Variants in RORA observed in about 807,000 individuals in gnomAD.
RORA encodes the protein RAR related orphan receptor A.
Under a neutral mutation model 69.5 loss-of-function variants are expected in RORA, and 7 were observed. The ratio of observed to expected loss-of-function variants is 0.10; its 90% CI spans 0.06 to 0.19. The LOEUF is 0.19. RORA is among the 10% of genes least tolerant of loss of function. The pLI, the probability that RORA is intolerant of heterozygous loss-of-function variation, is 1.00. For synonymous variants in RORA, 261 were observed against 240.8 expected, an observed-to-expected ratio of 1.08 and a Z score of -0.78; for missense variants, 457 against 663.0, an observed-to-expected ratio of 0.69 and a Z score of 3.41.
intron 2 of RORA, among the ~76,000 whole-genome samples, chr15:60,653,103 CA>C (rs2140701578): frequency 6.6e-6 from 1 of 152,292 alleles, no homozygotes; most frequent in Non-Finnish European, 1.5e-5. Context: ...TTCGTTTCTA[CA>C]GGTTATGAAC....
intron 1 of RORA, among the ~76,000 whole-genome samples, chr15:61,113,668 T>A (rs1482837507): frequency 6.6e-6 from 1 of 152,192 alleles, no homozygotes; most frequent in Non-Finnish European, 1.5e-5. Flanking sequence ...TTTTTAAAAT[T>A]CTACACACAC....
chr15:61,117,287 CA>C (rs922300388), intron 1 of RORA, among the ~76,000 whole-genome samples: 55 of 146,082 alleles, frequency 3.8e-4, no homozygotes, highest in African/African-American at 1.2e-3. Flanking sequence ...TAAGTAAATC[CA>C]AAAAAAAATC....
intron 1 of RORA, among the ~76,000 whole-genome samples, chr15:61,048,321 G>T (rs1897133713): frequency 6.6e-6 from 1 of 152,090 alleles, no homozygotes; most frequent in Non-Finnish European, 1.5e-5. Context: ...TTTATCCCAG[G>T]AAACGAGACC....
In RORA at chr15:61,061,119, C is replaced by A. The variant is rs932204210; in HGVS notation, c.166+167934G>T. ...CTGTAATCCCAGCACTTTGGGAGGC[C>A]GAGGCGGGCGGATCACAAGATCAGG... is the stretch of plus-strand genomic sequence containing the variant. On this transcript the variant is annotated intron_variant, in intron 1 of 10. Transcript: ENST00000335670. The surrounding 1 kb of genome is among the most constrained non-coding windows in gnomAD (Gnocchi z 4.4). 6.6e-6 allele frequency among the ~76,000 whole-genome samples: 1 copy of A among 151,976 alleles called. No individual in the cohort carries two copies. The highest frequency in any genetic ancestry group is 1.5e-5 in the Non-Finnish European group (1 of 68,002).
chr15:61,053,304 A>G (rs566914027), intron 1 of RORA, among the ~76,000 whole-genome samples: 2 of 151,656 alleles, frequency 1.3e-5, no homozygotes, highest in African/African-American at 2.4e-5. Flanking sequence ...TTGCCCCCCA[A>G]CACCCACCCC....
intron 2 of RORA, among the ~76,000 whole-genome samples, chr15:60,656,004 G>A (rs1211877180): frequency 6.6e-6 from 1 of 152,140 alleles, no homozygotes; most frequent in Non-Finnish European, 1.5e-5. Context: ...GATGTATTAT[G>A]GAGGTAAAAA....
At chr15:60,873,002 CT>C (rs1457813014) in intron 1 of RORA, among the ~76,000 whole-genome samples, 1 of 152,120 alleles carries the variant, frequency 6.6e-6, no homozygotes, top group Non-Finnish European at 1.5e-5. Flanking sequence ...TATGGGCTCC[CT>C]CTTTCCTCTT....
chr15:61,044,725 G>A (rs1222462451), intron 1 of RORA, among the ~76,000 whole-genome samples: 1 of 152,086 alleles, frequency 6.6e-6, no homozygotes, highest in Non-Finnish European at 1.5e-5. Context: ...CACTCATCAG[G>A]TATGATTGCT....
intron 1 of RORA, among the ~76,000 whole-genome samples, chr15:60,804,716 T>C (rs2072636404): frequency 6.6e-6 from 1 of 152,176 alleles, no homozygotes; most frequent in Admixed American, 6.5e-5. Context: ...ATGTATGAGA[T>C]TAAACAACCG....
intron 2 of RORA, chr15:60,627,178 G>T: frequency 1.4e-6 from 2 of 1,461,804 alleles, no homozygotes; most frequent in South Asian, 1.2e-5. Flanking sequence ...GGTTGTGGGT[G>T]GTGGGGGGAG....
chr15:60,718,559 G>T (rs1194066119), intron 1 of RORA, among the ~76,000 whole-genome samples: 1 of 152,168 alleles, frequency 6.6e-6, no homozygotes, highest in Non-Finnish European at 1.5e-5. Context: ...TTGAATAACG[G>T]TTGTTAGCTA....
At chr15:60,709,569 A>T (rs1468913513) in intron 1 of RORA, among the ~76,000 whole-genome samples, 1 of 151,936 alleles carries the variant, frequency 6.6e-6, no homozygotes, top group African/African-American at 2.4e-5. Flanking sequence ...GCAGCATGAG[A>T]TTCTCAAAGA....
At chr15:60,887,309 T>A (rs1281758474) in intron 1 of RORA, among the ~76,000 whole-genome samples, 1 of 152,182 alleles carries the variant, frequency 6.6e-6, no homozygotes, top group African/African-American at 2.4e-5. Context: ...TGTGAAGACA[T>A]ACTCTTGTTC....
intron 1 of RORA, among the ~76,000 whole-genome samples, chr15:60,854,429 T>C (rs75385331): frequency 8.1e-4 from 123 of 152,346 alleles, no homozygotes; most frequent in African/African-American, 2.9e-3. Context: ...AACGTTGTTT[T>C]TCTGTATTTA....
At chr15:60,838,102 C>T (rs892324694) in intron 1 of RORA, among the ~76,000 whole-genome samples, 6 of 152,152 alleles carry the variant, frequency 3.9e-5, no homozygotes, top group Non-Finnish European at 7.4e-5. Context: ...GTTCTTACTG[C>T]CTCTGAGATC....
At chr15:60,807,899 A>G (rs2072681557) in intron 1 of RORA, among the ~76,000 whole-genome samples, 2 of 152,318 alleles carry the variant, frequency 1.3e-5, no homozygotes, top group South Asian at 4.1e-4. Context: ...CTGGATCCTC[A>G]TCTTTCACCT....
intron 1 of RORA, among the ~76,000 whole-genome samples, chr15:61,110,789 C>T (rs1289087163): frequency 6.6e-6 from 1 of 152,236 alleles, no homozygotes; most frequent in Admixed American, 6.5e-5. Flanking sequence ...TTAAATGTCA[C>T]TTCCCTGCAC....
In RORA at chr15:60,609,461, C is replaced by T. The variant is rs340011; in HGVS notation, c.196+69196G>A. 3.3e-3 allele frequency among the ~76,000 whole-genome samples: 502 copies of T among 152,226 alleles called. 3 individuals carry two copies. The highest frequency in any genetic ancestry group is 0.011 in the African/African-American group (470 of 41,530). ...GGGAATGACAGACCCAGAAATAAAA[C>T]CCTCAACATCTCATACCTGCTCAAT... On this transcript the variant is annotated intron_variant, in intron 2 of 10. Coordinates refer to ENST00000335670, the MANE Select transcript of RORA (RefSeq NM_134261.3).
intron 9 of RORA, among the ~76,000 whole-genome samples, chr15:60,500,718 A>G (rs941449828): frequency 1.3e-5 from 2 of 152,314 alleles, no homozygotes; most frequent in Non-Finnish European, 2.9e-5. Context: ...ATTTTGTTCA[A>G]TTCTCATTTC....
Sources: allele counts gnomAD v4.1 joint callset (sites outside exome capture counted in the v4.1 genomes callset), GRCh38; gene constraint gnomAD v4.1.1; non-coding constraint Gnocchi (gnomAD v3.1); transcripts MANE v1.5; gene names NCBI Gene and HGNC (gene_info 2026-07-23, HGNC 2026-07-21).